DHRSX: variants seen among roughly 807,000 people sequenced by gnomAD.
The protein encoded by DHRSX is dehydrogenase/reductase X-linked, also known as polyprenol dehydrogenase.
DHRSX carries 31 observed loss-of-function variants against 34.0 expected under a neutral mutation model. The observed-to-expected ratio is 0.91, with a 90% CI of 0.69 to 1.23. The LOEUF is 1.23. DHRSX is among the 50% of genes most tolerant of loss of function. The pLI is 0.00. For missense variants in DHRSX, 414 were observed against 428.1 expected, an observed-to-expected ratio of 0.97 and a Z score of 0.29; for synonymous variants, 201 against 183.8, an observed-to-expected ratio of 1.09 and a Z score of -0.76.
intron 4 of DHRSX, among the ~76,000 whole-genome samples, chrX:2,276,676 C>G (rs892049655): frequency 1.3e-5 from 2 of 151,146 alleles, no homozygotes; most frequent in Non-Finnish European, 3.0e-5. Context: ...GGAGAGTTCT[C>G]CGCTCTCCAA....
intron 1 of DHRSX, among the ~76,000 whole-genome samples, chrX:2,475,358 C>A (rs962022153): frequency 2.7e-5 from 4 of 150,604 alleles, no homozygotes; most frequent in African/African-American, 7.4e-5. Flanking sequence ...AAGGGAATGC[C>A]GACATGTACA....
At chrX:2,434,806 T>G (rs2043973608) in intron 1 of DHRSX, among the ~76,000 whole-genome samples, 1 of 152,260 alleles carries the variant, frequency 6.6e-6, no homozygotes, top group South Asian at 2.1e-4. Flanking sequence ...CTGCCTTGTT[T>G]AGAATCAAAA....
intron 5 of DHRSX, among the ~76,000 whole-genome samples, chrX:2,255,298 G>A (rs1191911950): frequency 2.0e-5 from 3 of 152,042 alleles, no homozygotes; most frequent in African/African-American, 4.8e-5. Flanking sequence ...TGATACTTTC[G>A]CTCATAGACA....
At chrX:2,365,387 A>C (rs2042984524) in intron 3 of DHRSX, among the ~76,000 whole-genome samples, 1 of 151,968 alleles carries the variant, frequency 6.6e-6, no homozygotes, top group Non-Finnish European at 1.5e-5. Context: ...TGATCCACCC[A>C]TCTCGGCCTC....
At chrX:2,489,622 C>T in intron 1 of DHRSX, 1 of 1,612,644 alleles carries the variant, frequency 6.2e-7, no homozygotes, top group Admixed American at 1.7e-5. Context: ...CGAACTGCTG[C>T]TCCTTGAGGC....
intron 1 of DHRSX, among the ~76,000 whole-genome samples, chrX:2,449,653 A>G (rs4892903): frequency 0.57 from 86,366 of 151,670 alleles, 26,759 homozygotes; most frequent in African/African-American, 0.82. Flanking sequence ...GTGCCACCAC[A>G]TTTGGCTAAT....
In DHRSX at chrX:2,243,217, G is replaced by A. The variant is rs368785438; in HGVS notation, c.610C>T (p.Pro204Ser). ...TTGCTCTGGGCGTAGGCTGCGTGGG[G>A]TGAGTAGCAGGCACTGTGGGGCAAG... The part of the protein sequence containing the change: ...DDLQSSACYS[P>S]HAAYAQSKLA... The change falls in exon 6 of 7, where the codon CCC becomes TCC. Residue 204 changes from proline (P) to serine (S), a missense_variant. Pro to Ser is a moderately conservative substitution (Grantham distance 74). Transcript: ENST00000334651. 2 of 1,613,694 alleles carry A rather than the reference G, an allele frequency of 1.2e-6. No homozygotes were observed. The highest frequency in any genetic ancestry group is 1.7e-6 in the Non-Finnish European group (2 of 1,179,848).
chrX:2,407,171 G>A (rs939999350), intron 3 of DHRSX, among the ~76,000 whole-genome samples: 6 of 152,306 alleles, frequency 3.9e-5, no homozygotes, highest in African/African-American at 7.2e-5. Context: ...GAAACCGAAA[G>A]TCAAATACCA....
chrX:2,394,746 G>C (rs2043387449), intron 3 of DHRSX, among the ~76,000 whole-genome samples: 2 of 152,022 alleles, frequency 1.3e-5, no homozygotes, highest in Non-Finnish European at 2.9e-5. Flanking sequence ...CGTGCCTGTA[G>C]TCCCAGCTAC....
At chrX:2,248,528 G>C (rs2016352950) in intron 5 of DHRSX, among the ~76,000 whole-genome samples, 1 of 148,876 alleles carries the variant, frequency 6.7e-6, no homozygotes, top group African/African-American at 2.5e-5. Context: ...CAGGAAAATT[G>C]CTTGAACCCA....
At chrX:2,345,949 A>G (rs1164284382) in intron 3 of DHRSX, among the ~76,000 whole-genome samples, 1 of 152,160 alleles carries the variant, frequency 6.6e-6, no homozygotes, top group Non-Finnish European at 1.5e-5. Flanking sequence ...CAGTACACAC[A>G]TCATATTGGT....
intron 6 of DHRSX, among the ~76,000 whole-genome samples, chrX:2,224,311 T>G (rs905493593): frequency 2.0e-5 from 3 of 152,220 alleles, no homozygotes; most frequent in Admixed American, 6.5e-5. Flanking sequence ...CAGCACTCTC[T>G]GGAAGGAGGC....
At chrX:2,315,075 C>CT (rs1473731035) in intron 3 of DHRSX, among the ~76,000 whole-genome samples, 1 of 152,000 alleles carries the variant, frequency 6.6e-6, no homozygotes, top group Non-Finnish European at 1.5e-5. Context: ...GGAGAATTGC[C>CT]TGAACCCGGG....
chrX:2,442,586 CTT>C (rs1261517083), intron 1 of DHRSX, among the ~76,000 whole-genome samples: 1 of 152,052 alleles, frequency 6.6e-6, no homozygotes, highest in African/African-American at 2.4e-5. Context: ...AACAACGTGT[CTT>C]TGCAGTCCTG....
At chrX:2,490,077 C>A (rs764808495) in intron 1 of DHRSX, 1 of 1,613,686 alleles carries the variant, frequency 6.2e-7, no homozygotes, top group South Asian at 1.1e-5. Flanking sequence ...AGGAAGTGGG[C>A]GGCCAGCGTG....
intron 3 of DHRSX, among the ~76,000 whole-genome samples, chrX:2,407,789 G>A (rs1409995101): frequency 2.0e-5 from 3 of 152,132 alleles, no homozygotes; most frequent in Non-Finnish European, 4.4e-5. Context: ...GTGGGAGGTG[G>A]AAGAGGAGCA....
chrX:2,297,766 T>TTTTC (rs1230156465), intron 3 of DHRSX, among the ~76,000 whole-genome samples: 1 of 150,654 alleles, frequency 6.6e-6, no homozygotes, highest in Non-Finnish European at 1.5e-5. Flanking sequence ...TTTTGAGTTT[T>TTTTC]TTTTTTTTGA....
chrX:2,416,085 C>A (rs1295268713), intron 2 of DHRSX, among the ~76,000 whole-genome samples: 1 of 151,846 alleles, frequency 6.6e-6, no homozygotes, highest in Non-Finnish European at 1.5e-5. Context: ...AACTAGATCT[C>A]GTCATGACCA....
At chrX:2,246,748 G>GAAAGAAAGAAA (rs776138629) in intron 5 of DHRSX, among the ~76,000 whole-genome samples, 1 of 103,778 alleles carries the variant, frequency 9.6e-6, no homozygotes, top group South Asian at 3.1e-4. Context: ...AAGAAAGAAA[G>GAAAGAAAGAAA]AAAAAGAAAG....
Sources: gnomAD v4.1 joint callset for allele counts (sites outside exome capture counted in the v4.1 genomes callset) on GRCh38, gnomAD v4.1.1 for gene constraint, MANE v1.5 for transcripts, NCBI Gene and HGNC (gene_info 2026-07-23, HGNC 2026-07-21) for gene names.